CLASP1: variants seen among roughly 807,000 people sequenced by gnomAD.
CLASP1 encodes the protein cytoplasmic linker associated protein 1, also known as CLIP-associating protein 1.
Under a neutral mutation model 192.3 loss-of-function variants are expected in CLASP1, and 38 were observed. That is an observed-to-expected ratio of 0.20 (90% confidence interval 0.15 to 0.26). CLASP1 has a LOEUF of 0.26. CLASP1 is among the 10% of genes least tolerant of loss of function. The pLI, the probability that CLASP1 is intolerant of heterozygous loss-of-function variation, is 1.00. For missense variants in CLASP1, 1,433 were observed against 1,932.5 expected (o/e 0.74, Z 4.85); for synonymous variants, 691 against 712.8 (o/e 0.97, Z 0.49).
Position 121,478,649 on chromosome 2 carries a change from CA to C in CLASP1, c.713-8690del, listed in dbSNP as rs1165282974. On this transcript the variant is annotated intron_variant, in intron 8 of 39. Coordinates refer to ENST00000263710, the Ensembl canonical transcript of CLASP1. ...CACACATACACACACACACACCCCC[CA>C]CACACACACACCCCCCACACACACC... Among the ~76,000 whole-genome samples the C allele has an allele frequency of 6.9e-3, 507 of 73,410 alleles. 3 individuals are homozygous for C. The highest frequency in any genetic ancestry group is 0.054 in the African/African-American group (451 of 8,342). 48.2% of individuals were successfully genotyped at this position (73,410 alleles called of 152,430 possible). A position where few individuals can be genotyped will look rare whatever the true frequency, so the allele number is the denominator to read the frequency against.
chr2:121,350,841 G>GT (rs2064232192), intron 37 of CLASP1, among the ~76,000 whole-genome samples: 1 of 152,214 alleles, frequency 6.6e-6, no homozygotes, highest in Non-Finnish European at 1.5e-5. Flanking sequence ...TCTCAGGGCG[G>GT]TAAGATAATG....
At chr2:121,608,413 AGCAAAGACTT>A (rs1197248399) in intron 1 of CLASP1, among the ~76,000 whole-genome samples, 1 of 152,200 alleles carries the variant, frequency 6.6e-6, no homozygotes, top group East Asian at 1.9e-4. Flanking sequence ...TACAAAAGCA[AGCAAAGACTT>A]GCTATACAAG....
chr2:121,402,523 C>G, intron 26 of CLASP1: 1 of 501,818 alleles, frequency 2.0e-6, no homozygotes. Context: ...AAAAGTCATT[C>G]AGCTGTGGGA....
chr2:121,387,187 G>A, exon 32 of CLASP1: 2 of 1,611,618 alleles, frequency 1.2e-6, no homozygotes, highest in Non-Finnish European at 1.7e-6. Context: ...TGCTGCTGGT[G>A]TGTCGGGAGG....
intron 39 of CLASP1, 54 bp downstream of exon 40, chr2:121,346,984 G>T: frequency 1.8e-6 from 2 of 1,135,402 alleles, no homozygotes; most frequent in South Asian, 1.4e-5. Context: ...ATGGATTTAT[G>T]ACAAGCTGGC....
chr2:121,566,774 T>A (rs959641728), intron 2 of CLASP1, among the ~76,000 whole-genome samples: 1 of 152,208 alleles, frequency 6.6e-6, no homozygotes, highest in Non-Finnish European at 1.5e-5. Context: ...CATTACCTCT[T>A]ACCCACTGGA....
At chr2:121,431,713 A>G (rs1439046920) in intron 19 of CLASP1, among the ~76,000 whole-genome samples, 2 of 151,152 alleles carry the variant, frequency 1.3e-5, no homozygotes, top group African/African-American at 4.9e-5. Context: ...ATTTGGTAAC[A>G]TGATCCTAAA....
chr2:121,483,462 G>C (rs1045924246), intron 8 of CLASP1, among the ~76,000 whole-genome samples: 1 of 151,890 alleles, frequency 6.6e-6, no homozygotes, highest in Non-Finnish European at 1.5e-5. Flanking sequence ...GAATATGTGT[G>C]TGTGTGTGTA....
chr2:121,619,513 G>C (rs1396610955), intron 1 of CLASP1, among the ~76,000 whole-genome samples: 1 of 151,954 alleles, frequency 6.6e-6, no homozygotes, highest in Non-Finnish European at 1.5e-5. Context: ...ACTATAGGCT[G>C]GTCAACACAA....
chr2:121,486,430 TAA>T (rs2092976728), intron 8 of CLASP1, among the ~76,000 whole-genome samples: 1 of 152,214 alleles, frequency 6.6e-6, no homozygotes, highest in Admixed American at 6.5e-5. Context: ...TCATATTACA[TAA>T]GAGTCACCAT....
intron 30 of CLASP1, among the ~76,000 whole-genome samples, chr2:121,390,242 C>T (rs901096815): frequency 6.6e-6 from 1 of 152,114 alleles, no homozygotes; most frequent in African/African-American, 2.4e-5. Context: ...TGGAACTGGG[C>T]TGGAGAGATG....
chr2:121,640,407 T>C (rs2071828732), intron 1 of CLASP1, among the ~76,000 whole-genome samples: 1 of 152,240 alleles, frequency 6.6e-6, no homozygotes, highest in Non-Finnish European at 1.5e-5. Context: ...TTATGTTATG[T>C]ATATTTTACT....
intron 2 of CLASP1, among the ~76,000 whole-genome samples, chr2:121,535,760 C>T (rs1286840504): frequency 2.0e-5 from 3 of 151,686 alleles, no homozygotes; most frequent in South Asian, 4.2e-4. Flanking sequence ...GTGATCCTCC[C>T]GCCTCAGCAA....
At chr2:121,559,477 T>G (rs2058879975) in intron 2 of CLASP1, among the ~76,000 whole-genome samples, 1 of 152,180 alleles carries the variant, frequency 6.6e-6, no homozygotes, top group Non-Finnish European at 1.5e-5. Context: ...TATACCTACA[T>G]AATGGAATAT....
chr2:121,419,122 T>C (rs866807387), intron 22 of CLASP1, among the ~76,000 whole-genome samples: 3 of 152,182 alleles, frequency 2.0e-5, no homozygotes, highest in East Asian at 1.9e-4. Flanking sequence ...CAAAGCTGTA[T>C]TCATATGCAC....
chr2:121,606,461 C>G (rs897861845), intron 1 of CLASP1, among the ~76,000 whole-genome samples: 1 of 152,214 alleles, frequency 6.6e-6, no homozygotes, highest in Non-Finnish European at 1.5e-5. Context: ...GACAGGAAAG[C>G]AATCTTCTGC....
At chr2:121,489,970 T>C (rs1282828840) in intron 8 of CLASP1, among the ~76,000 whole-genome samples, 1 of 152,208 alleles carries the variant, frequency 6.6e-6, no homozygotes, top group East Asian at 1.9e-4. Context: ...ATAACCCTCA[T>C]ACTGTGAACA....
chr2:121,515,933 A>AC (rs2094279590), intron 6 of CLASP1, among the ~76,000 whole-genome samples, 171 bp from the exon 7 acceptor site: 1 of 152,202 alleles, frequency 6.6e-6, no homozygotes, highest in South Asian at 2.1e-4. Context: ...GACAGTTTTC[A>AC]CTTTGCTGAT....
chr2:121,644,203 A>G (rs2072683846), intron 1 of CLASP1, among the ~76,000 whole-genome samples: 1 of 152,204 alleles, frequency 6.6e-6, no homozygotes, highest in Non-Finnish European at 1.5e-5. Context: ...CTGGCCTAAA[A>G]TCACAGCACT....
Sources: gnomAD v4.1 joint callset for allele counts (sites outside exome capture counted in the v4.1 genomes callset) on GRCh38, gnomAD v4.1.1 for gene constraint, MANE v1.5 for transcripts, NCBI Gene and HGNC (gene_info 2026-07-23, HGNC 2026-07-21) for gene names.